Variants in TBC1D22A observed in about 807,000 individuals in gnomAD.
The protein encoded by TBC1D22A is TBC1 domain family member 22A.
In TBC1D22A, 38 loss-of-function variants were observed where a neutral mutation model predicts 60.2. The ratio of observed to expected loss-of-function variants is 0.63; its 90% confidence interval spans 0.49 to 0.83. The LOEUF (loss-of-function observed/expected upper bound fraction) is 0.83. Among genes scored for constraint, TBC1D22A ranks in the 40% least tolerant of loss-of-function variants. The pLI, the probability that TBC1D22A is intolerant of heterozygous loss-of-function variation, is 0.00. For missense variants in TBC1D22A, 628 were observed against 701.0 expected, an observed-to-expected ratio of 0.90 and a Z score of 1.18; for synonymous variants, 302 against 281.7, an observed-to-expected ratio of 1.07 and a Z score of -0.72.
intron 11 of TBC1D22A, among the ~76,000 whole-genome samples, chr22:47,090,148 C>T (rs1389435422): frequency 6.6e-6 from 1 of 152,192 alleles, no homozygotes; most frequent in Non-Finnish European, 1.5e-5. Flanking sequence ...AAGTGGTTCT[C>T]CAGCTCCACC....
chr22:47,012,335 C>T (rs536718271), intron 10 of TBC1D22A, among the ~76,000 whole-genome samples: 1 of 152,184 alleles, frequency 6.6e-6, no homozygotes, highest in South Asian at 2.1e-4. Flanking sequence ...AGCCCTCCTG[C>T]CCCTGAGCCA....
At chr22:47,075,656 C>G (rs1375284392) in intron 11 of TBC1D22A, among the ~76,000 whole-genome samples, 1 of 151,950 alleles carries the variant, frequency 6.6e-6, no homozygotes, top group Non-Finnish European at 1.5e-5. Context: ...TTTTAAAAAG[C>G]AGTAAAAGTA....
chr22:47,044,643 C>T (rs1754113065), intron 11 of TBC1D22A, among the ~76,000 whole-genome samples: 1 of 152,192 alleles, frequency 6.6e-6, no homozygotes, highest in African/African-American at 2.4e-5. Flanking sequence ...GCCTGCCCGC[C>T]CACAGGAAGT....
At chr22:47,048,167 C>CT (rs2063090967) in intron 11 of TBC1D22A, among the ~76,000 whole-genome samples, 1 of 152,154 alleles carries the variant, frequency 6.6e-6, no homozygotes, top group African/African-American at 2.4e-5. Context: ...GAGAGGAGCC[C>CT]CAGGCTGGGC....
chr22:46,949,135 A>C (rs983101517), intron 8 of TBC1D22A, among the ~76,000 whole-genome samples: 1 of 152,182 alleles, frequency 6.6e-6, no homozygotes, highest in African/African-American at 2.4e-5. Context: ...TGTTCAAGAG[A>C]CTGATTGTGT....
At chr22:46,965,753 C>T (rs1483226583) in intron 8 of TBC1D22A, among the ~76,000 whole-genome samples, 1 of 152,250 alleles carries the variant, frequency 6.6e-6, no homozygotes, top group Non-Finnish European at 1.5e-5. Flanking sequence ...GGCCGGTGGC[C>T]TGGTGTGGGG....
At chr22:47,055,440 G>A (rs1315235351) in intron 11 of TBC1D22A, among the ~76,000 whole-genome samples, 1 of 152,198 alleles carries the variant, frequency 6.6e-6, no homozygotes, top group Non-Finnish European at 1.5e-5. Flanking sequence ...AGCCCCAGTA[G>A]TTTACTGTGT....
Position 47,028,599 on chromosome 22 carries a change from A to G in TBC1D22A, c.1202-8472A>G, listed in dbSNP as rs925157467. 6.6e-6 allele frequency among the ~76,000 whole-genome samples: 1 copy of G among 151,890 alleles called. No individual in the cohort carries two copies. The highest frequency in any genetic ancestry group is 2.4e-5 in the African/African-American group (1 of 41,272). On this transcript the variant is annotated intron_variant, in intron 10 of 12. Transcript: ENST00000337137. The surrounding 1 kb of genome is among the most constrained non-coding windows in gnomAD (Gnocchi z 4.4). ...CCCACGGCCCAGGAATGAATCTGGT[A>G]TGACCTCTTCTGTCTCGCCTGCCTG...
intron 8 of TBC1D22A, chr22:46,913,317 T>C (rs1462945013): frequency 7.3e-7 from 1 of 1,365,426 alleles, no homozygotes; most frequent in South Asian, 1.1e-5. Flanking sequence ...CCTGTTGTTA[T>C]TACATGGTGT....
At position 46,762,925 on chromosome 22, in the gene TBC1D22A, G is replaced by C. The variant is rs2083150699; in HGVS notation, c.62+77G>C. The C allele has an allele frequency of 2.2e-6, 3 of 1,380,456 alleles. No homozygotes were observed. In the East Asian group the frequency reaches 9.1e-5, roughly 42 times the overall value. The allele number at this position is 1,380,456 out of a possible 1,614,324, so 85.5% of individuals were successfully genotyped here. On this transcript the variant is annotated intron_variant, in intron 1 of 12. Transcript: ENST00000337137. ...GCCGCGTTGGCCTCCTGGGCTGCGG[G>C]TGGAGTCGGGGGTCTGGAGAGGGCA...
intron 4 of TBC1D22A, among the ~76,000 whole-genome samples, chr22:46,854,472 G>A (rs2087463140): frequency 1.3e-5 from 2 of 152,094 alleles, no homozygotes; most frequent in Non-Finnish European, 2.9e-5. Context: ...CCTACCCAGG[G>A]TAATGTTTGG....
chr22:46,873,925 T>C (rs986807995), intron 4 of TBC1D22A, among the ~76,000 whole-genome samples: 2 of 152,152 alleles, frequency 1.3e-5, no homozygotes, highest in Non-Finnish European at 2.9e-5. Flanking sequence ...GCCTCCTGAG[T>C]AGCTGGGATT....
At chr22:47,145,892 G>T (rs1156649564) in intron 12 of TBC1D22A, among the ~76,000 whole-genome samples, 1 of 152,150 alleles carries the variant, frequency 6.6e-6, no homozygotes, top group Admixed American at 6.5e-5. Context: ...AGGCCACGGT[G>T]TGGGGACGCA....
intron 12 of TBC1D22A, among the ~76,000 whole-genome samples, chr22:47,158,138 C>G (rs1220546955): frequency 6.6e-6 from 1 of 152,214 alleles, no homozygotes; most frequent in African/African-American, 2.4e-5. Context: ...GAGGCTCTGG[C>G]TCGTGTGGGT....
chr22:47,172,471 G>A (rs1009035407), intron 12 of TBC1D22A, among the ~76,000 whole-genome samples: 9 of 152,174 alleles, frequency 5.9e-5, no homozygotes, highest in East Asian at 1.9e-4. Flanking sequence ...CACACTGAAC[G>A]ACTTATAATT....
intron 8 of TBC1D22A, among the ~76,000 whole-genome samples, chr22:46,941,642 T>C (rs62654804): frequency 0.011 from 1,509 of 134,104 alleles, no homozygotes; most frequent in Middle Eastern, 0.02. Context: ...ATACGCGGAA[T>C]ATATATACGG....
intron 12 of TBC1D22A, among the ~76,000 whole-genome samples, chr22:47,120,170 C>A (rs976845625): frequency 6.6e-6 from 1 of 152,118 alleles, no homozygotes; most frequent in Non-Finnish European, 1.5e-5. Context: ...GCCCTCAATC[C>A]CATGATACCT....
At chr22:46,855,628 A>G (rs1055754985) in intron 4 of TBC1D22A, among the ~76,000 whole-genome samples, 1 of 152,140 alleles carries the variant, frequency 6.6e-6, no homozygotes. Context: ...GCTGCTGGGT[A>G]GAAATCCAGG....
chr22:46,957,925 TGG>T (rs1185256886), intron 8 of TBC1D22A, among the ~76,000 whole-genome samples: 1 of 151,878 alleles, frequency 6.6e-6, no homozygotes, highest in Non-Finnish European at 1.5e-5. Flanking sequence ...GGACTGGAGC[TGG>T]GGCATCAGAG....
Sources: allele counts gnomAD v4.1 joint callset (sites outside exome capture counted in the v4.1 genomes callset), GRCh38; gene constraint gnomAD v4.1.1; non-coding constraint Gnocchi (gnomAD v3.1); transcripts MANE v1.5; gene names NCBI Gene and HGNC (gene_info 2026-07-23, HGNC 2026-07-21).